Variants in SLC14A2 observed in about 807,000 individuals in gnomAD.
The protein encoded by SLC14A2 is solute carrier family 14 member 2.
In SLC14A2, 91 loss-of-function variants were observed where a neutral mutation model predicts 104.6. The ratio of observed to expected loss-of-function variants is 0.87; its 90% CI spans 0.73 to 1.04. The LOEUF (loss-of-function observed/expected upper bound fraction) is 1.04, where lower values mean the gene tolerates loss of function less well. Ranked by LOEUF, SLC14A2 falls within the 50% of genes least tolerant of loss-of-function variation. The pLI, the probability that SLC14A2 is intolerant of heterozygous loss-of-function variation, is 0.00. For missense variants in SLC14A2, 1,189 were observed against 1,156.0 expected, an observed-to-expected ratio of 1.03 and a Z score of -0.41; for synonymous variants, 476 against 466.4, an observed-to-expected ratio of 1.02 and a Z score of -0.27.
chr18:45,357,261 A>G (rs929220212), intron 1 of SLC14A2, among the ~76,000 whole-genome samples: 7 of 83,710 alleles, frequency 8.4e-5, no homozygotes, highest in Admixed American at 7.8e-4. Flanking sequence ...TTTTTTTGCT[A>G]TTAATACTAT....
upstream of SLC14A2, chr18:45,615,158 T>C (rs561346641): frequency 1.3e-5 from 2 of 152,338 alleles, no homozygotes; most frequent in South Asian, 4.1e-4. Context: ...AGATGAAACT[T>C]TGGACTTTGA....
the SLC14A2 span, among the ~76,000 whole-genome samples, chr18:45,171,752 C>CATCTG: frequency 6.6e-6 from 1 of 152,100 alleles, no homozygotes; most frequent in Non-Finnish European, 1.5e-5. Flanking sequence ...TGAGTAATAC[C>CATCTG]AGATAACAGT....
intron 1 of SLC14A2, among the ~76,000 whole-genome samples, chr18:45,374,068 C>T (rs1352166424): frequency 6.6e-6 from 1 of 152,146 alleles, no homozygotes; most frequent in Admixed American, 6.5e-5. Flanking sequence ...CATTTTAGTC[C>T]TCTTAAGATC....
intron 2 of SLC14A2, among the ~76,000 whole-genome samples, chr18:45,550,834 A>C (rs1448217105): frequency 6.6e-6 from 1 of 152,196 alleles, no homozygotes; most frequent in Non-Finnish European, 1.5e-5. Flanking sequence ...TGCAAGATCA[A>C]CATAGTCCCA....
chr18:45,390,024 C>T (rs1435181430), intron 1 of SLC14A2, among the ~76,000 whole-genome samples: 1 of 152,128 alleles, frequency 6.6e-6, no homozygotes, highest in Admixed American at 6.5e-5. Context: ...CCTAAAACTG[C>T]CCTAAAAATA....
intron 1 of SLC14A2, among the ~76,000 whole-genome samples, chr18:45,404,485 C>T (rs1055417828): frequency 6.6e-6 from 1 of 152,154 alleles, no homozygotes; most frequent in African/African-American, 2.4e-5. Flanking sequence ...TTACTTCATA[C>T]CTGCTAGAAT....
At chr18:45,213,101 A>G (rs2083975674) in exon 1 of SLC14A2, 1 of 152,276 alleles carries the variant, frequency 6.6e-6, no homozygotes, top group Non-Finnish European at 1.5e-5. Context: ...GAACAGGAAC[A>G]TATCTCATTG....
chr18:45,561,918 T>TTAAC (rs112375786), intron 2 of SLC14A2, among the ~76,000 whole-genome samples: 45,917 of 151,960 alleles, frequency 0.3, 7,571 homozygotes, highest in Admixed American at 0.37. Flanking sequence ...TTTTCTTTAT[T>TTAAC]TAACTGCTCT....
At chr18:45,326,026 C>T (rs1381055196) in intron 1 of SLC14A2, among the ~76,000 whole-genome samples, 1 of 152,222 alleles carries the variant, frequency 6.6e-6, no homozygotes, top group Non-Finnish European at 1.5e-5. Flanking sequence ...ATGTGATTTA[C>T]TCAGAGCCAC....
chr18:45,465,467 G>A (rs2087123417), intron 1 of SLC14A2, among the ~76,000 whole-genome samples: 1 of 152,214 alleles, frequency 6.6e-6, no homozygotes, highest in South Asian at 2.1e-4. Context: ...GCATGGGCCA[G>A]TAGTCCATGA....
At chr18:45,228,510 G>C (rs1297252738) in intron 1 of SLC14A2, among the ~76,000 whole-genome samples, 1 of 152,124 alleles carries the variant, frequency 6.6e-6, no homozygotes, top group African/African-American at 2.4e-5. Flanking sequence ...GGGTGACACA[G>C]AGTTCATGTC....
rs754518386 is a variant in SLC14A2 at position 45,669,329 on chromosome 18, G to C, written c.2060G>C (p.Gly687Ala). The C allele has an allele frequency of 1.2e-6, 2 of 1,613,572 alleles. No homozygotes were observed. The highest frequency in any genetic ancestry group is 4.5e-5 in the East Asian group (2 of 44,884). Residue 687 changes from glycine to alanine, a missense_variant, in exon 16 of 20, where the codon GGT (glycine) becomes GCT (alanine). Coordinates refer to ENST00000255226, the MANE Select transcript of SLC14A2 (RefSeq NM_007163.4). ...AGCCCCATCCTCTCCAGTGCCCTGGGTACCATCTTCAGCAAGTGGGACCTC... is the reference window on the plus strand; with the variant it reads ...AGCCCCATCCTCTCCAGTGCCCTGGCTACCATCTTCAGCAAGTGGGACCTC... ...MSCPILSSAL[G>A]TIFSKWDLPV...
intron 1 of SLC14A2, among the ~76,000 whole-genome samples, chr18:45,305,560 C>T (rs1001020437): frequency 6.6e-6 from 1 of 152,262 alleles, no homozygotes; most frequent in Non-Finnish European, 1.5e-5. Flanking sequence ...TCTTTGTCAC[C>T]AACCCTCCCC....
intron 1 of SLC14A2, among the ~76,000 whole-genome samples, chr18:45,366,846 C>T (rs1185262038): frequency 6.6e-6 from 1 of 152,166 alleles, no homozygotes; most frequent in Non-Finnish European, 1.5e-5. Flanking sequence ...AGCAGTCTAC[C>T]CCCTTCAGAA....
intron 1 of SLC14A2, among the ~76,000 whole-genome samples, chr18:45,367,433 A>G (rs189223870): frequency 6.6e-6 from 1 of 152,364 alleles, no homozygotes; most frequent in East Asian, 1.9e-4. Flanking sequence ...CAAGGAAAAG[A>G]AAAGAAAAAA....
rs560639209 is a variant in SLC14A2, at chr18:45,410,226, C to T, written c.-124-73007C>T. 4.3e-4 allele frequency among the ~76,000 whole-genome samples: 66 copies of T among 152,228 alleles called. No individual in the cohort carries two copies. In the South Asian group the frequency reaches 0.011, roughly 26 times the overall value. ...GATGAAGCTTCACTCACTTGCCCGCCGCTCATCTTCTGCTGTGTGGTCCGG... is the reference window on the plus strand; with the variant it reads ...GATGAAGCTTCACTCACTTGCCCGCTGCTCATCTTCTGCTGTGTGGTCCGG... On this transcript the variant is annotated intron_variant, in intron 1 of 20. Transcript: ENST00000586448.
chr18:45,639,800 T>C lies in SLC14A2; in HGVS notation c.898T>C (p.Trp300Arg). 6.2e-7 allele frequency: 1 copy of C among 1,614,060 alleles called. No homozygotes were observed. Reference sequence around the variant, plus strand: ...CCAGGTGTATGGCTGTGACAATCCCTGGACAGGCGGCGTGTTCCTGGTGGC... The same window carrying C: ...CCAGGTGTATGGCTGTGACAATCCCCGGACAGGCGGCGTGTTCCTGGTGGC... ...VGQVYGCDNP[W>R]TGGVFLVALF... is the part of the protein sequence containing the mutation. The change falls in exon 7 of 20, where the codon TGG becomes CGG. Residue 300 changes from tryptophan to arginine, a missense_variant. By Grantham distance (101) the Trp-to-Arg change is moderately radical. Transcript: ENST00000255226.
chr18:45,217,736 G>A (rs1463342563), intron 1 of SLC14A2, among the ~76,000 whole-genome samples: 2 of 152,040 alleles, frequency 1.3e-5, no homozygotes, highest in Non-Finnish European at 2.9e-5. Flanking sequence ...ATATTTTCTG[G>A]CCCTGTGCTT....
intron 1 of SLC14A2, among the ~76,000 whole-genome samples, chr18:45,467,580 T>C (rs943939113): frequency 2.0e-5 from 3 of 152,170 alleles, no homozygotes; most frequent in Admixed American, 6.5e-5. Context: ...CAGGCTGGGT[T>C]ACCTTGTCCC....
Sources: allele counts gnomAD v4.1 joint callset (sites outside exome capture counted in the v4.1 genomes callset), GRCh38; gene constraint gnomAD v4.1.1; transcripts MANE v1.5; gene names NCBI Gene and HGNC (gene_info 2026-07-23, HGNC 2026-07-21).